NMT2: variants seen among roughly 807,000 people sequenced by gnomAD.
NMT2 encodes the protein glycylpeptide N-tetradecanoyltransferase 2.
In NMT2, 35 loss-of-function variants were observed where a neutral mutation model predicts 65.4. That is an observed-to-expected ratio of 0.54 (90% CI 0.41 to 0.71). The LOEUF (loss-of-function observed/expected upper bound fraction) is 0.71, where lower values mean the gene tolerates loss of function less well. Among genes scored for constraint, NMT2 ranks in the 30% least tolerant of loss-of-function variants. The probability of loss-of-function intolerance (pLI) is 0.00; values close to 1 mark genes in which losing one functional copy is unlikely to be tolerated. For missense variants in NMT2, 489 were observed against 611.3 expected (o/e 0.80, Z 2.11); for synonymous variants, 226 against 231.8 (o/e 0.98, Z 0.23).
intron 1 of NMT2, among the ~76,000 whole-genome samples, chr10:15,162,335 GAAATA>G (rs2131635920): frequency 6.6e-6 from 1 of 151,388 alleles, no homozygotes; most frequent in East Asian, 1.9e-4. Context: ...CCAAAGACAG[GAAATA>G]AAATACAGAA....
At chr10:15,149,314 CCATCAT>C (rs1377506285) in intron 1 of NMT2, among the ~76,000 whole-genome samples, 1 of 150,970 alleles carries the variant, frequency 6.6e-6, no homozygotes, top group African/African-American at 2.5e-5. Context: ...ATCACCATCA[CCATCAT>C]CACCACCATC....
intron 8 of NMT2, 64 bp from the exon 9 acceptor site, chr10:15,119,577 C>A: frequency 7.0e-7 from 1 of 1,433,558 alleles, no homozygotes; most frequent in Admixed American, 1.7e-5. Context: ...AACGACTTTG[C>A]ACTCAAAGTG....
At chr10:15,130,566 T>G (rs981966185) in intron 6 of NMT2, among the ~76,000 whole-genome samples, 1 of 151,746 alleles carries the variant, frequency 6.6e-6, no homozygotes, top group African/African-American at 2.4e-5. Flanking sequence ...CAGCCAGTCA[T>G]GTTGCCGCAT....
chr10:15,112,218 T>A (rs11596396), intron 10 of NMT2, among the ~76,000 whole-genome samples: 441 of 9,256 alleles, frequency 0.048, no homozygotes, highest in East Asian at 0.094. Flanking sequence ...ATATATATAT[T>A]TTTTTTTTTT....
chr10:15,167,721 G>A (rs1833421209), intron 1 of NMT2, among the ~76,000 whole-genome samples: 1 of 152,230 alleles, frequency 6.6e-6, no homozygotes, highest in Non-Finnish European at 1.5e-5. Context: ...AATCAAGTCT[G>A]CAGGGTTCGG....
intron 9 of NMT2, 71 bp downstream of exon 9, chr10:15,119,272 A>G: frequency 7.3e-7 from 1 of 1,367,654 alleles, no homozygotes; most frequent in Non-Finnish European, 1.0e-6. Context: ...GTGTGTGTAA[A>G]TAATTCTGCT....
intron 8 of NMT2, among the ~76,000 whole-genome samples, chr10:15,126,200 G>A (rs575658520): frequency 8.0e-5 from 12 of 150,794 alleles, no homozygotes; most frequent in African/African-American, 2.4e-4. Context: ...AGGCTGAGGC[G>A]GGTGGATCAC....
At chr10:15,144,338 G>A (rs1175584450) in intron 1 of NMT2, among the ~76,000 whole-genome samples, 1 of 152,182 alleles carries the variant, frequency 6.6e-6, no homozygotes, top group African/African-American at 2.4e-5. Context: ...GTGAGGAAGA[G>A]CTACTTTTCC....
At chr10:15,140,147 T>C (rs1846691415) in intron 2 of NMT2, among the ~76,000 whole-genome samples, 1 of 151,896 alleles carries the variant, frequency 6.6e-6, no homozygotes, top group Non-Finnish European at 1.5e-5. Flanking sequence ...ATTGATTGAT[T>C]GACATGGTCT....
chr10:15,164,559 G>A (rs957914705), intron 1 of NMT2, among the ~76,000 whole-genome samples: 2 of 152,156 alleles, frequency 1.3e-5, no homozygotes, highest in African/African-American at 4.8e-5. Flanking sequence ...GGAGAAGCCG[G>A]ACATCAAAAG....
chr10:15,127,591 T>TAAATA (rs1564568551), intron 8 of NMT2, among the ~76,000 whole-genome samples: 1 of 103,522 alleles, frequency 9.7e-6, no homozygotes, highest in Non-Finnish European at 2.0e-5. Context: ...AATAAATAAA[T>TAAATA]AAATAAAATA....
chr10:15,113,260 G>A (rs1845627707), intron 9 of NMT2, among the ~76,000 whole-genome samples: 2 of 151,876 alleles, frequency 1.3e-5, no homozygotes, highest in South Asian at 4.2e-4. Flanking sequence ...CATGAGGTCA[G>A]GAGTTCGAGA....
At chr10:15,140,978 GA>G in intron 2 of NMT2, 1 of 1,550,540 alleles carries the variant, frequency 6.4e-7, no homozygotes, top group Non-Finnish European at 8.7e-7. Context: ...AAGTCAACGA[GA>G]GACTTACCCA....
rs544898277 is a variant in NMT2, at chr10:15,144,979, C to T, written c.111-3422G>A. Among the ~76,000 whole-genome samples the T allele has an allele frequency of 5.3e-5, 8 of 152,232 alleles. No homozygotes were observed. The East Asian group carries it at 1.3e-3, about 26-fold the overall frequency. On this transcript the variant is annotated intron_variant, in intron 1 of 11. Transcript: ENST00000378165. ...CTCATAGCAGCATCATTCATAACAGCCCAAAACTGGAAACAACCCAAATGA... is the reference window on the plus strand; with the variant it reads ...CTCATAGCAGCATCATTCATAACAGTCCAAAACTGGAAACAACCCAAATGA...
chr10:15,165,972 A>T (rs1833365952), intron 1 of NMT2, among the ~76,000 whole-genome samples: 1 of 152,136 alleles, frequency 6.6e-6, no homozygotes, highest in Non-Finnish European at 1.5e-5. Context: ...GCTTTTAATT[A>T]AACATAAAAC....
At chr10:15,111,197 A>C (rs1419079095) in intron 10 of NMT2, among the ~76,000 whole-genome samples, 1 of 152,116 alleles carries the variant, frequency 6.6e-6, no homozygotes, top group Non-Finnish European at 1.5e-5. Context: ...TTGCCCAGGG[A>C]CCAAAGTTGT....
At chr10:15,141,146 C>CT (rs1202103774) in intron 2 of NMT2, 6 of 975,506 alleles carry the variant, frequency 6.2e-6, no homozygotes, top group Non-Finnish European at 9.3e-6. Flanking sequence ...CACACTGAGA[C>CT]TTTCTTCTAG....
chr10:15,134,382 G>A (rs1444879058), intron 3 of NMT2, among the ~76,000 whole-genome samples: 2 of 152,152 alleles, frequency 1.3e-5, no homozygotes, highest in African/African-American at 2.4e-5. Flanking sequence ...GGGCCTTCCT[G>A]GTGCCTTCCT....
intron 6 of NMT2, among the ~76,000 whole-genome samples, chr10:15,131,068 G>A (rs562228897): frequency 3.9e-5 from 6 of 151,930 alleles, no homozygotes; most frequent in African/African-American, 9.7e-5. Context: ...GATTATAGGC[G>A]TGAACCACCC....
Sources: gnomAD v4.1 joint callset for allele counts (sites outside exome capture counted in the v4.1 genomes callset) on GRCh38, gnomAD v4.1.1 for gene constraint, MANE v1.5 for transcripts, NCBI Gene and HGNC (gene_info 2026-07-23, HGNC 2026-07-21) for gene names.